The following TMEM163 variants were observed in gnomAD, a reference collection of about 807,000 sequenced individuals.
TMEM163 encodes transmembrane protein 163.
Under a neutral mutation model 29.3 loss-of-function variants are expected in TMEM163, and 17 were observed. The observed-to-expected ratio is 0.58, with a 90% CI of 0.40 to 0.87. The LOEUF is 0.87. Ranked by LOEUF, TMEM163 falls within the 40% of genes least tolerant of loss-of-function variation. The pLI, the probability that TMEM163 is intolerant of heterozygous loss-of-function variation, is 0.00. For missense variants in TMEM163, 303 were observed against 381.5 expected (o/e 0.79, Z 1.71); for synonymous variants, 157 against 160.6 (o/e 0.98, Z 0.17).
intron 5 of TMEM163, among the ~76,000 whole-genome samples, chr2:134,502,117 T>C (rs991682121): frequency 1.3e-5 from 2 of 152,176 alleles, no homozygotes; most frequent in Admixed American, 1.3e-4. Flanking sequence ...AAAGTAAAAT[T>C]AAAGGTCTAA....
intron 4 of TMEM163, among the ~76,000 whole-genome samples, chr2:134,506,965 G>A (rs957503977): frequency 2.0e-5 from 3 of 152,154 alleles, no homozygotes; most frequent in Non-Finnish European, 4.4e-5. Flanking sequence ...CTCTGGGGGA[G>A]AACTTCATGG....
At chr2:134,665,339 A>C (rs1391524284) in intron 2 of TMEM163, among the ~76,000 whole-genome samples, 1 of 152,204 alleles carries the variant, frequency 6.6e-6, no homozygotes, top group Admixed American at 6.5e-5. Context: ...GCAAGAGTGC[A>C]TGTGCAGGTG....
At chr2:134,657,348 C>T (rs966787038) in intron 2 of TMEM163, among the ~76,000 whole-genome samples, 1 of 152,124 alleles carries the variant, frequency 6.6e-6, no homozygotes, top group Admixed American at 6.5e-5. Flanking sequence ...CCATGAAGTA[C>T]CACACAGCCA....
intron 2 of TMEM163, among the ~76,000 whole-genome samples, chr2:134,699,110 T>C (rs1684640510): frequency 6.6e-6 from 1 of 152,202 alleles, no homozygotes; most frequent in South Asian, 2.1e-4. Flanking sequence ...TGGAATCAAG[T>C]ATTAATAGCT....
At chr2:134,717,760 G>A (rs1685066657) in intron 1 of TMEM163, among the ~76,000 whole-genome samples, 1 of 152,192 alleles carries the variant, frequency 6.6e-6, no homozygotes, top group Non-Finnish European at 1.5e-5. Flanking sequence ...CGTTCTGAGG[G>A]GGACAATTTG....
Position 134,676,138 on chromosome 2 carries a change from G to A in TMEM163, c.322+37062C>T, listed in dbSNP as rs373200829. Among the ~76,000 whole-genome samples the A allele has an allele frequency of 1.4e-4, 22 of 152,206 alleles. No individual in the cohort carries two copies. In the East Asian group the frequency reaches 2.1e-3, roughly 15 times the overall value. On this transcript the variant is annotated intron_variant, in intron 2 of 7. Coordinates refer to ENST00000281924, the MANE Select transcript of TMEM163 (RefSeq NM_030923.5). ...GCTCTCTGGGAGGAAAAAAGGCCCCGACTTGCAGCATTTGCCAATTTCTAT... is the reference window on the plus strand; with the variant it reads ...GCTCTCTGGGAGGAAAAAAGGCCCCAACTTGCAGCATTTGCCAATTTCTAT...
chr2:134,572,028 C>T (rs1681442267), intron 2 of TMEM163, among the ~76,000 whole-genome samples: 1 of 152,162 alleles, frequency 6.6e-6, no homozygotes, highest in African/African-American at 2.4e-5. Flanking sequence ...AAACAGTACC[C>T]AAGGGCCAAC....
chr2:134,646,150 T>C (rs1683331591), intron 2 of TMEM163, among the ~76,000 whole-genome samples: 1 of 151,822 alleles, frequency 6.6e-6, no homozygotes, highest in Non-Finnish European at 1.5e-5. Flanking sequence ...AATGGTACGA[T>C]CTCAGCTTAC....
intron 4 of TMEM163, among the ~76,000 whole-genome samples, chr2:134,538,324 C>T (rs75643329): frequency 0.012 from 1,795 of 152,280 alleles, 33 homozygotes; most frequent in African/African-American, 0.041. Context: ...ACACTGAATC[C>T]GTCTTCATCT....
At chr2:134,582,279 C>T (rs1452900703) in intron 2 of TMEM163, among the ~76,000 whole-genome samples, 1 of 152,154 alleles carries the variant, frequency 6.6e-6, no homozygotes, top group Non-Finnish European at 1.5e-5. Flanking sequence ...AAGGAATGTT[C>T]CCAGCTCCTG....
At chr2:134,525,832 C>A (rs1355371392) in intron 4 of TMEM163, among the ~76,000 whole-genome samples, 2 of 152,228 alleles carry the variant, frequency 1.3e-5, no homozygotes, top group African/African-American at 4.8e-5. Context: ...GTCTCCCAGA[C>A]CTGGGGGTGT....
intron 4 of TMEM163, among the ~76,000 whole-genome samples, chr2:134,521,321 G>T: frequency 6.6e-6 from 1 of 152,174 alleles, no homozygotes; most frequent in South Asian, 2.1e-4. Context: ...TAAGGCTTAG[G>T]CATGGCTCTA....
At chr2:134,583,562 A>G (rs1211891626) in intron 2 of TMEM163, among the ~76,000 whole-genome samples, 1 of 152,158 alleles carries the variant, frequency 6.6e-6, no homozygotes, top group African/African-American at 2.4e-5. Context: ...TTGATCTACA[A>G]TCGAGAAAGA....
intron 2 of TMEM163, among the ~76,000 whole-genome samples, chr2:134,648,991 T>C (rs1023573972): frequency 1.3e-5 from 2 of 152,056 alleles, no homozygotes; most frequent in East Asian, 3.9e-4. Flanking sequence ...GTATTTGTAG[T>C]GGGGGAAAAT....
intron 2 of TMEM163, among the ~76,000 whole-genome samples, chr2:134,696,190 T>C (rs1188332748): frequency 6.6e-6 from 1 of 152,214 alleles, no homozygotes; most frequent in Admixed American, 6.5e-5. Flanking sequence ...GGTGGTATCA[T>C]TATTTCCCTC....
chr2:134,649,946 A>G lies in TMEM163; in HGVS notation c.322+63254T>C, dbSNP rs1683428277. 5.4e-5 allele frequency among the ~76,000 whole-genome samples: 8 copies of G among 147,848 alleles called. No individual in the cohort carries two copies. The Admixed American group carries it at 5.5e-4, about 10-fold the overall frequency. ...CTTGAGGCCAAGAGACTGAGGTTGC[A>G]GTGAGCCATGATCACACCACTGCAC... On this transcript the variant is annotated intron_variant, in intron 2 of 7. Transcript: ENST00000281924.
intron 2 of TMEM163, among the ~76,000 whole-genome samples, chr2:134,679,989 T>C (rs1684196696): frequency 6.6e-6 from 1 of 152,002 alleles, no homozygotes; most frequent in Non-Finnish European, 1.5e-5. Flanking sequence ...TAAGTGCTAA[T>C]TCCAACAAAA....
chr2:134,582,105 G>A (rs1681708359), intron 2 of TMEM163, among the ~76,000 whole-genome samples: 1 of 152,156 alleles, frequency 6.6e-6, no homozygotes, highest in South Asian at 2.1e-4. Flanking sequence ...AGAAACCACA[G>A]TCATGTCAAA....
chr2:134,476,309 A>C (rs958553381), intron 5 of TMEM163, among the ~76,000 whole-genome samples: 1 of 152,152 alleles, frequency 6.6e-6, no homozygotes, highest in African/African-American at 2.4e-5. Context: ...AGCTGGGGAG[A>C]GGAGGTGATT....
Sources: gnomAD v4.1 joint callset for allele counts (sites outside exome capture counted in the v4.1 genomes callset) on GRCh38, gnomAD v4.1.1 for gene constraint, MANE v1.5 for transcripts, NCBI Gene and HGNC (gene_info 2026-07-23, HGNC 2026-07-21) for gene names.